Variants in TMPRSS11E observed in about 807,000 individuals in gnomAD.
TMPRSS11E encodes transmembrane protease serine 11E.
A neutral mutation model predicts 48.1 loss-of-function variants in TMPRSS11E; 38 were observed. That is an observed-to-expected ratio of 0.79 (90% confidence interval 0.61 to 1.04). The LOEUF (loss-of-function observed/expected upper bound fraction) is 1.04, where lower values mean the gene tolerates loss of function less well. TMPRSS11E is among the 50% of genes least tolerant of loss of function. The pLI, the probability that TMPRSS11E is intolerant of heterozygous loss-of-function variation, is 0.00. For missense variants in TMPRSS11E, 530 were observed against 510.8 expected, an observed-to-expected ratio of 1.04 and a Z score of -0.36; for synonymous variants, 158 against 171.9, an observed-to-expected ratio of 0.92 and a Z score of 0.63.
intron 4 of TMPRSS11E, among the ~76,000 whole-genome samples, chr4:68,469,329 T>G (rs1157044475): frequency 6.6e-6 from 1 of 151,986 alleles, no homozygotes; most frequent in Non-Finnish European, 1.5e-5. Flanking sequence ...TTAATCAATC[T>G]TCTTTATCTT....
At chr4:68,453,818 G>T (rs1261979184) in intron 1 of TMPRSS11E, among the ~76,000 whole-genome samples, 1 of 151,884 alleles carries the variant, frequency 6.6e-6, no homozygotes, top group Non-Finnish European at 1.5e-5. Flanking sequence ...GAGCTAATAG[G>T]GAGGTTCACA....
chr4:68,485,671 G>A (rs911613236), intron 9 of TMPRSS11E, among the ~76,000 whole-genome samples: 4 of 152,146 alleles, frequency 2.6e-5, no homozygotes, highest in Non-Finnish European at 5.9e-5. Flanking sequence ...CATAAAATGT[G>A]TTAGGGAGGC....
At chr4:68,491,534 C>T (rs575599396) in intron 9 of TMPRSS11E, among the ~76,000 whole-genome samples, 6 of 152,030 alleles carry the variant, frequency 3.9e-5, no homozygotes, top group East Asian at 1.9e-4. Context: ...TTTTTGAAGC[C>T]GGGTTTTGTT....
At chr4:68,460,592 T>C (rs1339711555) in intron 1 of TMPRSS11E, among the ~76,000 whole-genome samples, 1 of 152,200 alleles carries the variant, frequency 6.6e-6, no homozygotes. Context: ...AGTCCTCATG[T>C]AGCAGACAGT....
At chr4:68,452,314 A>C (rs933413720) in intron 1 of TMPRSS11E, among the ~76,000 whole-genome samples, 4 of 151,998 alleles carry the variant, frequency 2.6e-5, no homozygotes, top group Non-Finnish European at 4.4e-5. Flanking sequence ...ATTTAAAATT[A>C]GTTACTTTAC....
intron 2 of TMPRSS11E, 146 bp from the exon 3 acceptor site, chr4:68,466,485 A>G: frequency 1.3e-6 from 1 of 753,784 alleles, no homozygotes; most frequent in Non-Finnish European, 2.2e-6. Context: ...GATAACTATG[A>G]GGCCTGGGGC....
intron 9 of TMPRSS11E, among the ~76,000 whole-genome samples, chr4:68,487,353 A>G (rs1415042960): frequency 1.3e-5 from 2 of 151,942 alleles, no homozygotes; most frequent in East Asian, 1.9e-4. Context: ...CCTGGGTTCA[A>G]GCGATTCTTC....
rs1729073664 is a variant in TMPRSS11E, at chr4:68,471,619, TA to T, written c.490del (p.Ile165SerfsTer10). The T allele has an allele frequency of 6.3e-7, 1 of 1,575,556 alleles. No individual in the cohort carries two copies. The highest frequency in any genetic ancestry group is 8.6e-7 in the Non-Finnish European group (1 of 1,165,136). On this transcript the variant is annotated frameshift_variant, in exon 5 of 10. Transcript: ENST00000305363. LOFTEE classifies it high-confidence loss of function. ...PKVDPHSVKI[K>X]KINKTETDSY... ...AAGTAGATCCTCACTCAGTTAAAAT[TA>T]AAAGTAAGTTAATTTCTCTTATTTT...
intron 1 of TMPRSS11E, among the ~76,000 whole-genome samples, chr4:68,457,222 A>T (rs574470772): frequency 6.6e-6 from 1 of 152,170 alleles, no homozygotes; most frequent in East Asian, 1.9e-4. Flanking sequence ...ACAACCCCAT[A>T]AAAAAGTAGG....
chr4:68,466,899 CA>C, intron 3 of TMPRSS11E, 147 bp downstream of exon 3: 1 of 990,292 alleles, frequency 1.0e-6, no homozygotes, highest in South Asian at 1.4e-5. Context: ...GAATATAAAA[CA>C]AAATGGACAA....
intron 1 of TMPRSS11E, 28 bp downstream of exon 1, chr4:68,447,551 A>C (rs1026578984): frequency 6.2e-7 from 1 of 1,603,594 alleles, no homozygotes; most frequent in African/African-American, 1.3e-5. Flanking sequence ...TTCTTTCTAG[A>C]AGTCTTAAGG....
At chr4:68,494,995 A>G (rs1467572759) in intron 9 of TMPRSS11E, among the ~76,000 whole-genome samples, 2 of 152,134 alleles carry the variant, frequency 1.3e-5, no homozygotes, top group Non-Finnish European at 2.9e-5. Flanking sequence ...TGCCTGTGTA[A>G]TAGCTGAGTT....
At chr4:68,477,888 C>T (rs1446779491) in intron 8 of TMPRSS11E, among the ~76,000 whole-genome samples, 1 of 152,028 alleles carries the variant, frequency 6.6e-6, no homozygotes, top group Non-Finnish European at 1.5e-5. Context: ...GTCTCCTAGC[C>T]ATGAACTTTC....
chr4:68,467,408 C>T (rs1175300424), intron 3 of TMPRSS11E, among the ~76,000 whole-genome samples: 1 of 152,048 alleles, frequency 6.6e-6, no homozygotes, highest in Non-Finnish European at 1.5e-5. Flanking sequence ...AACTTCTTGT[C>T]ATTATCAGAT....
chr4:68,483,847 A>G (rs978187776), intron 9 of TMPRSS11E, among the ~76,000 whole-genome samples: 2 of 152,184 alleles, frequency 1.3e-5, no homozygotes, highest in African/African-American at 4.8e-5. Context: ...AATTTTTTGC[A>G]TATGGCTAGC....
At chr4:68,496,512 C>A in intron 9 of TMPRSS11E, 131 bp from the exon 10 acceptor site, 1 of 879,452 alleles carries the variant, frequency 1.1e-6, no homozygotes, top group Non-Finnish European at 1.7e-6. Flanking sequence ...TGGAGAAAAT[C>A]ACTTATGCAT....
At chr4:68,465,442 C>CT (rs796488102) in intron 2 of TMPRSS11E, among the ~76,000 whole-genome samples, 3 of 152,224 alleles carry the variant, frequency 2.0e-5, no homozygotes, top group South Asian at 2.1e-4. Flanking sequence ...TAATAAGTGG[C>CT]TTTTTTTCCT....
At chr4:68,491,296 A>G (rs1729713102) in intron 9 of TMPRSS11E, among the ~76,000 whole-genome samples, 1 of 61,240 alleles carries the variant, frequency 1.6e-5, no homozygotes, top group Non-Finnish European at 4.0e-5. Context: ...ATGATATATG[A>G]AGCAAAAAAA....
chr4:68,473,641 G>A (rs1352291314), intron 5 of TMPRSS11E, among the ~76,000 whole-genome samples: 1 of 152,088 alleles, frequency 6.6e-6, no homozygotes, highest in Non-Finnish European at 1.5e-5. Flanking sequence ...GTGAGCAATA[G>A]CAGAGCATTG....
Sources: gnomAD v4.1 joint callset for allele counts (sites outside exome capture counted in the v4.1 genomes callset) on GRCh38, gnomAD v4.1.1 for gene constraint, MANE v1.5 for transcripts, NCBI Gene and HGNC (gene_info 2026-07-23, HGNC 2026-07-21) for gene names.